RGS6: variants seen among roughly 807,000 people sequenced by gnomAD.
The protein encoded by RGS6 is regulator of G-protein signaling 6.
In RGS6, 30 loss-of-function variants were observed where a neutral mutation model predicts 78.5. That is an observed-to-expected ratio of 0.38 (90% CI 0.29 to 0.52). RGS6 has a LOEUF of 0.52. Among genes scored for constraint, RGS6 ranks in the 20% least tolerant of loss-of-function variants. The probability of loss-of-function intolerance (pLI) is 0.85; values close to 1 mark genes in which losing one functional copy is unlikely to be tolerated. For synonymous variants in RGS6, 206 were observed against 206.0 expected, an observed-to-expected ratio of 1.00 and a Z score of 0.00; for missense variants, 495 against 609.7, an observed-to-expected ratio of 0.81 and a Z score of 1.98.
intron 1 of RGS6, among the ~76,000 whole-genome samples, chr14:71,963,255 A>G (rs919829450): frequency 1.2e-4 from 19 of 152,370 alleles, no homozygotes; most frequent in African/African-American, 4.6e-4. Context: ...TGTCATACCA[A>G]GGATTGAACT....
chr14:72,081,842 ACTT>A (rs1361105006), intron 2 of RGS6, among the ~76,000 whole-genome samples: 1 of 152,012 alleles, frequency 6.6e-6, no homozygotes, highest in African/African-American at 2.4e-5. Context: ...TACCACACCT[ACTT>A]CTTCTCGTAA....
Position 72,053,084 on chromosome 14 carries a change from CCTTCCTTCCTTCCTT to C in RGS6, c.84+88211_84+88225del, listed in dbSNP as rs1567107668. 2.8e-3 allele frequency among the ~76,000 whole-genome samples: 81 copies of C among 29,018 alleles called. 1 individual carries two copies. The highest frequency in any genetic ancestry group is 0.014 in the South Asian group (7 of 498). The allele number at this position is 29,018 out of a possible 152,430, so 19.0% of individuals were successfully genotyped here. On this transcript the variant is annotated intron_variant, in intron 2 of 17. Coordinates refer to ENST00000553525, the MANE Select transcript of RGS6 (RefSeq NM_001204424.2). ...CCCTCCCTCCCTCCCTCCCTCCCTT[CCTTCCTTCCTTCCTT>C]CCTTCCTTCCTTCCTTCCTTCCTTC...
At chr14:72,580,603 G>A in the RGS6 span, among the ~76,000 whole-genome samples, 1 of 152,234 alleles carries the variant, frequency 6.6e-6, no homozygotes, top group Non-Finnish European at 1.5e-5. Context: ...AGCCAAGGCT[G>A]CTCCCAAGAA....
chr14:72,296,661 GT>G (rs1325466067), intron 2 of RGS6, among the ~76,000 whole-genome samples: 4 of 152,090 alleles, frequency 2.6e-5, no homozygotes, highest in Non-Finnish European at 4.4e-5. Flanking sequence ...AAAAAATTGT[GT>G]TGTCTTTTTA....
intron 2 of RGS6, among the ~76,000 whole-genome samples, chr14:72,227,369 C>A (rs2048370222): frequency 6.6e-6 from 1 of 152,222 alleles, no homozygotes; most frequent in Non-Finnish European, 1.5e-5. Context: ...CTCCCCTCAA[C>A]CTCCTGAGTA....
intron 17 of RGS6, chr14:72,540,540 G>A (rs571070263): frequency 5.1e-6 from 8 of 1,574,676 alleles, no homozygotes; most frequent in Admixed American, 3.4e-5. Flanking sequence ...TGGCAGTCAC[G>A]CCGGTGTGGG....
intron 8 of RGS6, among the ~76,000 whole-genome samples, chr14:72,472,622 A>T (rs2096115123): frequency 1.3e-5 from 2 of 152,188 alleles, no homozygotes; most frequent in African/African-American, 4.8e-5. Context: ...CACCATGTTC[A>T]TTACACATGT....
intron 2 of RGS6, among the ~76,000 whole-genome samples, chr14:72,285,483 C>T (rs142945219): frequency 1.5e-4 from 23 of 152,206 alleles, no homozygotes; most frequent in South Asian, 1.5e-3. Context: ...TGCCTTCCAC[C>T]GTCATCATGT....
intron 7 of RGS6, among the ~76,000 whole-genome samples, chr14:72,466,614 G>C (rs1194011338): frequency 6.6e-6 from 1 of 152,170 alleles, no homozygotes; most frequent in Non-Finnish European, 1.5e-5. Context: ...ACATTATGTT[G>C]GGTGAAAGAA....
intron 3 of RGS6, among the ~76,000 whole-genome samples, chr14:72,401,973 A>G (rs78298060): frequency 9.7e-4 from 148 of 152,354 alleles, no homozygotes; most frequent in Non-Finnish European, 1.8e-3. Flanking sequence ...ATACAGGGAA[A>G]GTGACAAAAG....
At chr14:72,512,820 C>G (rs1379405355) in intron 14 of RGS6, among the ~76,000 whole-genome samples, 1 of 152,238 alleles carries the variant, frequency 6.6e-6, no homozygotes, top group Non-Finnish European at 1.5e-5. Context: ...TTGCGTTCAT[C>G]CCTTCAGCTG....
chr14:72,279,363 G>A (rs973794727), intron 2 of RGS6, among the ~76,000 whole-genome samples: 9 of 150,992 alleles, frequency 6.0e-5, no homozygotes, highest in East Asian at 1.9e-4. Context: ...GTGGGGCAGC[G>A]TGGGCCCAGC....
At position 72,180,715 on chromosome 14, in the gene RGS6, C is replaced by T. The variant is rs912572827; in HGVS notation, c.85-171380C>T. 1.2e-4 allele frequency among the ~76,000 whole-genome samples: 18 copies of T among 152,146 alleles called. 1 individual carries two copies. The highest frequency in any genetic ancestry group is 1.3e-4 in the Admixed American group (2 of 15,272). The stretch of plus-strand genomic sequence containing the variant: ...GGTTGCCTTTGCAGTAGTGTTGAGA[C>T]GTGGGGCCCTTGGGAGGTGATTGAA... On this transcript the variant is annotated intron_variant, in intron 2 of 17. Transcript: ENST00000553525.
intron 2 of RGS6, among the ~76,000 whole-genome samples, chr14:72,033,307 T>C (rs548369466): frequency 8.5e-5 from 13 of 152,274 alleles, no homozygotes; most frequent in Admixed American, 2.6e-4. Flanking sequence ...GATCACAGCT[T>C]GCTGCAGCCT....
chr14:71,953,027 C>T (rs751550485), intron 1 of RGS6, among the ~76,000 whole-genome samples: 4 of 152,066 alleles, frequency 2.6e-5, no homozygotes, highest in South Asian at 2.1e-4. Flanking sequence ...ATCTTTCATG[C>T]GAAATAAGAG....
At chr14:72,375,383 A>G (rs2084434985) in intron 3 of RGS6, among the ~76,000 whole-genome samples, 1 of 152,238 alleles carries the variant, frequency 6.6e-6, no homozygotes, top group South Asian at 2.1e-4. Flanking sequence ...CAAAATGACT[A>G]GAGAGGGCCA....
intron 2 of RGS6, among the ~76,000 whole-genome samples, chr14:72,298,479 G>A (rs368820955): frequency 2.2e-4 from 26 of 117,172 alleles, no homozygotes; most frequent in East Asian, 1.9e-3. Context: ...ACAGAGTCTC[G>A]CTCTGTCGCC....
intron 2 of RGS6, among the ~76,000 whole-genome samples, chr14:71,986,587 G>C (rs1428121173): frequency 1.3e-5 from 2 of 151,890 alleles, no homozygotes; most frequent in South Asian, 4.2e-4. Context: ...GCGTGCACCT[G>C]TAATCCCAAC....
the RGS6 span, among the ~76,000 whole-genome samples, chr14:71,907,007 C>T: frequency 2.0e-5 from 3 of 152,126 alleles, no homozygotes; most frequent in African/African-American, 7.2e-5. Context: ...TTGGGAAGGA[C>T]CTCTGTAAGA....
Sources: allele counts gnomAD v4.1 joint callset (sites outside exome capture counted in the v4.1 genomes callset), GRCh38; gene constraint gnomAD v4.1.1; transcripts MANE v1.5; gene names NCBI Gene and HGNC (gene_info 2026-07-23, HGNC 2026-07-21).